The following TFCP2 variants were observed in gnomAD, a reference collection of about 807,000 sequenced individuals.
TFCP2 encodes the protein transcription factor CP2, also known as alpha-globin transcription factor CP2.
A neutral mutation model predicts 73.4 loss-of-function variants in TFCP2; 33 were observed. That is an observed-to-expected ratio of 0.45 (90% CI 0.34 to 0.60). The LOEUF is 0.60. Ranked by LOEUF, TFCP2 falls within the 20% of genes least tolerant of loss-of-function variation. TFCP2 has a pLI of 0.01. For missense variants in TFCP2, 352 were observed against 604.0 expected, an observed-to-expected ratio of 0.58 and a Z score of 4.37; for synonymous variants, 193 against 211.6, an observed-to-expected ratio of 0.91 and a Z score of 0.76.
At chr12:51,120,498 G>A (rs1007969543) in intron 1 of TFCP2, among the ~76,000 whole-genome samples, 13 of 152,156 alleles carry the variant, frequency 8.5e-5, no homozygotes, top group African/African-American at 3.1e-4. Flanking sequence ...TTTGTAGGGA[G>A]ATAAAAATGT....
intron 1 of TFCP2, among the ~76,000 whole-genome samples, chr12:51,156,532 A>G (rs1408485517): frequency 6.6e-6 from 1 of 152,178 alleles, no homozygotes; most frequent in African/African-American, 2.4e-5. Flanking sequence ...ATTTGGAGGG[A>G]CACATATCCA....
intron 1 of TFCP2, among the ~76,000 whole-genome samples, chr12:51,142,922 C>T (rs1342510346): frequency 6.6e-6 from 1 of 152,108 alleles, no homozygotes; most frequent in African/African-American, 2.4e-5. Flanking sequence ...CAGGGCTCAT[C>T]TTACTTCTGT....
At chr12:51,141,618 A>G (rs898822492) in intron 1 of TFCP2, among the ~76,000 whole-genome samples, 1 of 151,924 alleles carries the variant, frequency 6.6e-6, no homozygotes, top group Non-Finnish European at 1.5e-5. Context: ...AGGGGTCTTT[A>G]GCTGGGCAGG....
chr12:51,125,353 G>T (rs1566212918), intron 1 of TFCP2: 1 of 496,660 alleles, frequency 2.0e-6, no homozygotes, highest in African/African-American at 1.9e-5. Context: ...CAGGTCTCCT[G>T]CAACAGCTAA....
In TFCP2 at chr12:51,118,743, T is replaced by C. The variant is rs1940592546; in HGVS notation, c.152A>G (p.Gln51Arg). 1.9e-6 allele frequency: 3 copies of C among 1,614,064 alleles called. No homozygotes were observed. The highest frequency in any genetic ancestry group is 2.2e-5 in the East Asian group (1 of 44,892). ...SDVLALPIFKQEESSLPPDNE... is the reference protein window; with the variant it reads ...SDVLALPIFKREESSLPPDNE... The stretch of plus-strand genomic sequence containing the variant: ...ATCAGGAGGCAAACTCGACTCTTCT[T>C]GCTTAAAAATGGGCAATGCAAGGAC... Residue 51 changes from glutamine (Q) to arginine (R), a missense_variant, in exon 2 of 15, where the codon CAA becomes CGA. Gln to Arg is a conservative substitution (Grantham distance 43, BLOSUM62 1). Coordinates refer to ENST00000257915, the MANE Select transcript of TFCP2 (RefSeq NM_005653.5).
chr12:51,158,223 G>A (rs913155592), intron 1 of TFCP2, among the ~76,000 whole-genome samples: 9 of 151,690 alleles, frequency 5.9e-5, no homozygotes, highest in Non-Finnish European at 1.3e-4. Context: ...TTGCTATGTT[G>A]CCCAGGCCAG....
chr12:51,132,357 CTTTTTTTTTTTTTTTTT>C (rs869123355), intron 1 of TFCP2, among the ~76,000 whole-genome samples: 5 of 61,768 alleles, frequency 8.1e-5, no homozygotes, highest in Non-Finnish European at 1.2e-4. Context: ...AGGGATTAGT[CTTTTTTTTTTTTTTTTT>C]TTTTTTTTTT....
intron 1 of TFCP2, among the ~76,000 whole-genome samples, chr12:51,161,900 C>CA (rs1941658400): frequency 7.2e-6 from 1 of 138,378 alleles, no homozygotes; most frequent in African/African-American, 2.8e-5. Context: ...CAAAAACAAA[C>CA]AAACAAACAA....
chr12:51,101,412 G>T (rs1302137765), intron 11 of TFCP2, among the ~76,000 whole-genome samples: 2 of 152,144 alleles, frequency 1.3e-5, no homozygotes, highest in African/African-American at 2.4e-5. Context: ...GCCTAGAACA[G>T]TCTCCCTTCC....
chr12:51,168,574 T>G (rs1941798257), intron 1 of TFCP2, among the ~76,000 whole-genome samples: 1 of 152,008 alleles, frequency 6.6e-6, no homozygotes, highest in Non-Finnish European at 1.5e-5. Context: ...AGCCTTGACC[T>G]CCTGGGCTCA....
chr12:51,110,022 T>A (rs1011113521), intron 5 of TFCP2, among the ~76,000 whole-genome samples: 1 of 151,798 alleles, frequency 6.6e-6, no homozygotes. Context: ...CCCAGCCTGG[T>A]GAATCTTAAT....
At chr12:51,098,487 G>A (rs1247656510) in intron 13 of TFCP2, among the ~76,000 whole-genome samples, 2 of 151,954 alleles carry the variant, frequency 1.3e-5, no homozygotes, top group East Asian at 1.9e-4. Flanking sequence ...TTAGCCAGGC[G>A]TGGTGGCGCA....
chr12:51,096,687 A>G (rs1039831155), intron 13 of TFCP2, among the ~76,000 whole-genome samples: 1 of 152,204 alleles, frequency 6.6e-6, no homozygotes, highest in African/African-American at 2.4e-5. Context: ...TAATATCACT[A>G]TGTAATTTCT....
chr12:51,149,199 T>C (rs1033993442), intron 1 of TFCP2, among the ~76,000 whole-genome samples: 2 of 152,072 alleles, frequency 1.3e-5, no homozygotes, highest in Non-Finnish European at 2.9e-5. Flanking sequence ...TATGTTTTCA[T>C]TCATAAGTGG....
rs1223737264 is a variant in TFCP2, at chr12:51,141,925, C to A, written c.123-23153G>T. On this transcript the variant is annotated intron_variant, in intron 1 of 14. Coordinates refer to ENST00000257915, the MANE Select transcript of TFCP2 (RefSeq NM_005653.5). ...TGTCTCAAAAAAAAAAAAAAAAAAA[C>A]CAGGCACAGTGGCTCACGCCTGTAA... 5.2e-4 allele frequency among the ~76,000 whole-genome samples: 57 copies of A among 110,092 alleles called. No individual in the cohort carries two copies. The South Asian group carries it at 0.013, about 24-fold the overall frequency. The allele number at this position is 110,092 out of a possible 152,430, so 72.2% of individuals were successfully genotyped here.
intron 7 of TFCP2, 71 bp from the exon 8 acceptor site, chr12:51,106,684 C>T (rs1940254508): frequency 8.6e-7 from 1 of 1,157,790 alleles, no homozygotes; most frequent in East Asian, 2.4e-5. Context: ...AACATTGTTA[C>T]TTGAATAGCA....
chr12:51,095,604 C>T (rs1939939460), intron 14 of TFCP2, among the ~76,000 whole-genome samples: 1 of 151,930 alleles, frequency 6.6e-6, no homozygotes, highest in Non-Finnish European at 1.5e-5. Context: ...CGCTTGAGGT[C>T]AGGAGTTCGA....
chr12:51,125,136 C>T (rs375610939), intron 1 of TFCP2: 427 of 742,148 alleles, frequency 5.8e-4, no homozygotes, highest in Middle Eastern at 3.3e-3. Flanking sequence ...GAAGATGATG[C>T]GCAGTGTGAT....
At chr12:51,163,458 T>C (rs903771926) in intron 1 of TFCP2, among the ~76,000 whole-genome samples, 18 of 152,010 alleles carry the variant, frequency 1.2e-4, no homozygotes, top group Non-Finnish European at 2.4e-4. Context: ...GGTGTGGTGG[T>C]GTATGTCTGT....
Sources: gnomAD v4.1 joint callset for allele counts (sites outside exome capture counted in the v4.1 genomes callset) on GRCh38, gnomAD v4.1.1 for gene constraint, MANE v1.5 for transcripts, NCBI Gene and HGNC (gene_info 2026-07-23, HGNC 2026-07-21) for gene names.